DCC: variants seen among roughly 807,000 people sequenced by gnomAD.
The protein encoded by DCC is DCC netrin 1 receptor.
Under a neutral mutation model 172.5 loss-of-function variants are expected in DCC, and 58 were observed. The ratio of observed to expected loss-of-function variants is 0.34; its 90% CI spans 0.27 to 0.42. The LOEUF (loss-of-function observed/expected upper bound fraction) is 0.42, where lower values mean the gene tolerates loss of function less well. Among genes scored for constraint, DCC ranks in the 10% least tolerant of loss-of-function variants. The pLI, the probability that DCC is intolerant of heterozygous loss-of-function variation, is 1.00. For synonymous variants in DCC, 709 were observed against 644.5 expected (o/e 1.10, Z -1.52); for missense variants, 1,740 against 1,791.0 (o/e 0.97, Z 0.51).
At chr18:53,048,316 G>T (rs995737992) in intron 5 of DCC, among the ~76,000 whole-genome samples, 1 of 151,402 alleles carries the variant, frequency 6.6e-6, no homozygotes, top group Admixed American at 6.6e-5. Flanking sequence ...CTGTGGTTCC[G>T]TTTTTTCTGT....
chr18:53,503,473 G>GCAAT (rs2046129916), intron 27 of DCC, among the ~76,000 whole-genome samples: 2 of 152,148 alleles, frequency 1.3e-5, no homozygotes, highest in African/African-American at 2.4e-5. Context: ...CATGGAGGCT[G>GCAAT]CAATCACTAC....
chr18:52,376,790 A>T (rs1985367427), intron 1 of DCC, among the ~76,000 whole-genome samples: 1 of 152,194 alleles, frequency 6.6e-6, no homozygotes, highest in Non-Finnish European at 1.5e-5. Context: ...GAATAGATAG[A>T]TGCTCAGTTA....
chr18:53,407,153 C>G (rs1546300), intron 19 of DCC, among the ~76,000 whole-genome samples: 1 of 151,864 alleles, frequency 6.6e-6, no homozygotes, highest in Non-Finnish European at 1.5e-5. Flanking sequence ...AATGAGGAGA[C>G]TCGGGAATCA....
At chr18:52,496,633 A>G (rs547954265) in intron 1 of DCC, among the ~76,000 whole-genome samples, 5 of 152,178 alleles carry the variant, frequency 3.3e-5, no homozygotes, top group East Asian at 1.9e-4. Flanking sequence ...GGCCCTGTAT[A>G]TCTGATTTGA....
At chr18:52,828,974 G>GT (rs1195645721) in intron 2 of DCC, among the ~76,000 whole-genome samples, 1 of 152,192 alleles carries the variant, frequency 6.6e-6, no homozygotes, top group Admixed American at 6.5e-5. Flanking sequence ...TTTCAGCTAT[G>GT]TATATGGTCA....
At chr18:53,062,156 A>G (rs1298039675) in intron 5 of DCC, among the ~76,000 whole-genome samples, 2 of 152,130 alleles carry the variant, frequency 1.3e-5, no homozygotes, top group Non-Finnish European at 2.9e-5. Flanking sequence ...TAATAAAGAA[A>G]GAGAGAGATC....
chr18:53,450,810 C>T (rs1238588767), intron 23 of DCC, 148 bp downstream of exon 23: 2 of 727,204 alleles, frequency 2.8e-6, no homozygotes, highest in Non-Finnish European at 4.9e-6. Flanking sequence ...CTATTCCAGG[C>T]CTATCATTAA....
intron 2 of DCC, among the ~76,000 whole-genome samples, chr18:52,889,213 A>T (rs1397359249): frequency 6.6e-6 from 1 of 152,112 alleles, no homozygotes; most frequent in Non-Finnish European, 1.5e-5. Flanking sequence ...CTTTCATAAA[A>T]GGAAATGATT....
At chr18:52,616,218 G>T (rs1056235930) in intron 1 of DCC, among the ~76,000 whole-genome samples, 13 of 152,088 alleles carry the variant, frequency 8.5e-5, no homozygotes, top group African/African-American at 3.1e-4. Flanking sequence ...GCATTTAGTT[G>T]TCATGGTGTT....
chr18:53,484,425 C>G (rs1040001821), intron 25 of DCC, among the ~76,000 whole-genome samples: 2 of 151,348 alleles, frequency 1.3e-5, no homozygotes, highest in African/African-American at 4.9e-5. Flanking sequence ...TGTGCAGAAG[C>G]TTTTTAGTCT....
intron 5 of DCC, among the ~76,000 whole-genome samples, chr18:53,033,334 A>C (rs1166394913): frequency 6.6e-6 from 1 of 152,100 alleles, no homozygotes; most frequent in East Asian, 1.9e-4. Flanking sequence ...AGTGAGACTT[A>C]ACGGTGTTTG....
chr18:52,807,150 G>A (rs185095882), intron 2 of DCC, among the ~76,000 whole-genome samples: 12 of 152,254 alleles, frequency 7.9e-5, no homozygotes, highest in Non-Finnish European at 1.0e-4. Context: ...AGCCGAGGTC[G>A]CGCCACTGCA....
At chr18:52,567,486 C>A (rs1257401599) in intron 1 of DCC, among the ~76,000 whole-genome samples, 1 of 152,096 alleles carries the variant, frequency 6.6e-6, no homozygotes, top group Non-Finnish European at 1.5e-5. Context: ...CAGGCTTAGC[C>A]TCTACTCAAC....
chr18:52,731,861 C>T (rs80301098), intron 1 of DCC, among the ~76,000 whole-genome samples: 5,553 of 152,148 alleles, frequency 0.036, 135 homozygotes, highest in Admixed American at 0.049. Context: ...TCTGGATTTG[C>T]TATGATAGCA....
chr18:52,662,240 G>C (rs1220092870), intron 1 of DCC, among the ~76,000 whole-genome samples: 4 of 152,152 alleles, frequency 2.6e-5, no homozygotes, highest in South Asian at 2.1e-4. Flanking sequence ...GATGCTACTG[G>C]TCTGTGAACA....
chr18:52,986,535 T>C (rs112928876), intron 5 of DCC, among the ~76,000 whole-genome samples: 4 of 152,132 alleles, frequency 2.6e-5, no homozygotes, highest in Non-Finnish European at 4.4e-5. Context: ...TATGTTCCTC[T>C]TCTTCTTCTC....
chr18:52,643,607 T>C (rs1050999499), intron 1 of DCC, among the ~76,000 whole-genome samples: 4 of 152,182 alleles, frequency 2.6e-5, no homozygotes, highest in Non-Finnish European at 5.9e-5. Flanking sequence ...TAGGAACTGA[T>C]TGGTTATTTG....
At chr18:52,347,331 C>T (rs1983922532) in intron 1 of DCC, among the ~76,000 whole-genome samples, 1 of 152,142 alleles carries the variant, frequency 6.6e-6, no homozygotes, top group Non-Finnish European at 1.5e-5. Context: ...TCTCCACTCA[C>T]TTAGCTGCCT....
chr18:53,341,860 A>G (rs2057663725), intron 15 of DCC, among the ~76,000 whole-genome samples: 1 of 152,138 alleles, frequency 6.6e-6, no homozygotes, highest in South Asian at 2.1e-4. Flanking sequence ...AAATCAACAC[A>G]TCAGTTTCCA....
Sources: gnomAD v4.1 joint callset for allele counts (sites outside exome capture counted in the v4.1 genomes callset) on GRCh38, gnomAD v4.1.1 for gene constraint, MANE v1.5 for transcripts, NCBI Gene and HGNC (gene_info 2026-07-23, HGNC 2026-07-21) for gene names.